The following C10orf90 variants were observed in gnomAD, a reference collection of about 807,000 sequenced individuals.
The protein encoded by C10orf90 is chromosome 10 open reading frame 90, also known as (E2-independent) E3 ubiquitin-conjugating enzyme FATS.
C10orf90 carries 56 observed loss-of-function variants against 62.5 expected under a neutral mutation model. That is an observed-to-expected ratio of 0.90 (90% confidence interval 0.72 to 1.12). The LOEUF is 1.12. Among genes scored for constraint, C10orf90 ranks in the 50% most tolerant of loss-of-function variants. The pLI is 0.00. For missense variants in C10orf90, 970 were observed against 880.4 expected (o/e 1.10, Z -1.29); for synonymous variants, 386 against 340.4 (o/e 1.13, Z -1.47).
intron 4 of C10orf90, among the ~76,000 whole-genome samples, chr10:126,489,984 TATATAATATATA>T (rs1861633949): frequency 3.6e-5 from 4 of 110,576 alleles, no homozygotes; most frequent in Non-Finnish European, 3.5e-5. Context: ...ATATAATATA[TATATAATATATA>T]TTATATATTA....
At chr10:126,550,443 G>A (rs968443271) in intron 2 of C10orf90, among the ~76,000 whole-genome samples, 1 of 152,170 alleles carries the variant, frequency 6.6e-6, no homozygotes, top group South Asian at 2.1e-4. Context: ...TTATGATACT[G>A]TAGTGTAGTT....
chr10:126,612,092 G>T (rs113172780), intron 2 of C10orf90, among the ~76,000 whole-genome samples: 1 of 152,158 alleles, frequency 6.6e-6, no homozygotes, highest in Non-Finnish European at 1.5e-5. Context: ...AGGCTGCGGC[G>T]GACAGATCAC....
At chr10:126,540,438 C>A (rs763348160) in intron 2 of C10orf90, among the ~76,000 whole-genome samples, 15 of 152,084 alleles carry the variant, frequency 9.9e-5, no homozygotes, top group Non-Finnish European at 1.9e-4. Context: ...ACAGGAGGAT[C>A]ACTTGAGCCC....
intron 2 of C10orf90, among the ~76,000 whole-genome samples, chr10:126,582,433 C>T (rs1386387061): frequency 6.6e-6 from 1 of 152,160 alleles, no homozygotes; most frequent in Non-Finnish European, 1.5e-5. Context: ...ATGAAGCCCG[C>T]ATGGAAGTGT....
intron 2 of C10orf90, among the ~76,000 whole-genome samples, chr10:126,642,843 A>T (rs1203920297): frequency 6.6e-6 from 1 of 151,976 alleles, no homozygotes; most frequent in Non-Finnish European, 1.5e-5. Context: ...AACACCACAA[A>T]CTCAGGATCC....
At chr10:126,587,760 T>C (rs1844902265) in intron 2 of C10orf90, among the ~76,000 whole-genome samples, 1 of 152,228 alleles carries the variant, frequency 6.6e-6, no homozygotes, top group Non-Finnish European at 1.5e-5. Context: ...TTTGCACTTT[T>C]TATTTCCACA....
chr10:126,626,424 T>C (rs1207399740), intron 2 of C10orf90, among the ~76,000 whole-genome samples: 2 of 152,174 alleles, frequency 1.3e-5, no homozygotes, highest in Admixed American at 6.5e-5. Context: ...TGGTGAATGC[T>C]GAGTACAGAA....
intron 2 of C10orf90, among the ~76,000 whole-genome samples, chr10:126,553,278 C>T (rs183883885): frequency 7.4e-4 from 113 of 152,174 alleles, no homozygotes; most frequent in Admixed American, 9.2e-4. Flanking sequence ...TGTTCTATTA[C>T]GAACTCCTAC....
intron 2 of C10orf90, among the ~76,000 whole-genome samples, chr10:126,540,131 G>A (rs1430389790): frequency 6.6e-6 from 1 of 152,050 alleles, no homozygotes. Context: ...AAAATTATAA[G>A]ACCTGCAGGA....
intron 1 of C10orf90, among the ~76,000 whole-genome samples, chr10:126,664,547 A>G (rs1846586974): frequency 6.6e-6 from 1 of 152,154 alleles, no homozygotes. Context: ...AGACAGCCTC[A>G]ACCCGGTGCT....
rs747540868 is a variant in C10orf90 at position 126,486,936 on chromosome 10, A to G, written c.1534+17021T>C. ...GGGGGGTGGATCACCTGAGGTCAAGAGTTCTGGACCAGCCTGGCCAACATA... is the reference window on the plus strand; with the variant it reads ...GGGGGGTGGATCACCTGAGGTCAAGGGTTCTGGACCAGCCTGGCCAACATA... On this transcript the variant is annotated intron_variant, in intron 4 of 9. Coordinates refer to ENST00000488181, the MANE Select transcript of C10orf90 (RefSeq NM_001350921.2). Among the ~76,000 whole-genome samples, 67 of 151,994 alleles carry G rather than the reference A, an allele frequency of 4.4e-4. 1 individual carries two copies. Among genetic ancestry groups the G allele is most frequent in the Non-Finnish European group, 7.1e-4 (48 of 68,002 alleles).
At chr10:126,490,260 T>C (rs1288215118) in intron 4 of C10orf90, among the ~76,000 whole-genome samples, 1 of 149,076 alleles carries the variant, frequency 6.7e-6, no homozygotes, top group African/African-American at 2.5e-5. Flanking sequence ...TTAAGTAAAA[T>C]AAGCCAATCA....
chr10:126,526,702 T>C (rs149665130), intron 2 of C10orf90, among the ~76,000 whole-genome samples: 63 of 152,290 alleles, frequency 4.1e-4, no homozygotes, highest in African/African-American at 1.4e-3. Flanking sequence ...AGAAGTCCCA[T>C]ACCTGTTAGT....
At position 126,456,289 on chromosome 10, in the gene C10orf90, A is replaced by G. The variant is rs11599670; in HGVS notation, c.2188+2751T>C. ...CTGTCTGATTTCACTGACCTAACAC[A>G]AACGAACCCAAAAGTAAAGCTCTCA... On this transcript the variant is annotated intron_variant, in intron 7 of 9. Coordinates refer to ENST00000488181, the MANE Select transcript of C10orf90 (RefSeq NM_001350921.2). The surrounding 1 kb of genome is among the most constrained non-coding windows in gnomAD (Gnocchi z 4.9). 0.061 allele frequency among the ~76,000 whole-genome samples: 9,208 copies of G among 152,198 alleles called. 343 individuals are homozygous for G. The highest frequency in any genetic ancestry group is 0.11 in the South Asian group (550 of 4,826).
At chr10:126,492,856 C>A (rs1861837468) in intron 4 of C10orf90, among the ~76,000 whole-genome samples, 1 of 152,110 alleles carries the variant, frequency 6.6e-6, no homozygotes. Context: ...ATTAAAAAGT[C>A]TTAAATTTGT....
chr10:126,546,742 C>T (rs962650318), intron 2 of C10orf90, among the ~76,000 whole-genome samples: 3 of 152,324 alleles, frequency 2.0e-5, no homozygotes, highest in Admixed American at 1.3e-4. Flanking sequence ...CACTCCCAGG[C>T]ATAGCAGTGT....
intron 1 of C10orf90, among the ~76,000 whole-genome samples, chr10:126,660,861 T>A (rs976748582): frequency 1.3e-5 from 2 of 152,238 alleles, no homozygotes; most frequent in African/African-American, 4.8e-5. Context: ...AGCAGCTAGC[T>A]GCTTCAGTTA....
intron 1 of C10orf90, among the ~76,000 whole-genome samples, chr10:126,662,644 C>CTA (rs1846539631): frequency 6.6e-6 from 1 of 152,310 alleles, no homozygotes; most frequent in African/African-American, 2.4e-5. Flanking sequence ...CCCTATTTGC[C>CTA]TATACTCTCT....
At chr10:126,667,538 C>T (rs1457433541) in intron 1 of C10orf90, among the ~76,000 whole-genome samples, 1 of 152,132 alleles carries the variant, frequency 6.6e-6, no homozygotes, top group Admixed American at 6.5e-5. Context: ...GATGGGTGAG[C>T]CTTAGCTGAT....
Sources: allele counts gnomAD v4.1 joint callset (sites outside exome capture counted in the v4.1 genomes callset), GRCh38; gene constraint gnomAD v4.1.1; non-coding constraint Gnocchi (gnomAD v3.1); transcripts MANE v1.5; gene names NCBI Gene and HGNC (gene_info 2026-07-23, HGNC 2026-07-21).